Variants in LOC122539214 observed in about 807,000 individuals in gnomAD.
At chr19:52,669,532 G>A in the LOC122539214 span, among the ~76,000 whole-genome samples, 6 of 152,260 alleles carry the variant, frequency 3.9e-5, no homozygotes, top group South Asian at 1.2e-3. Flanking sequence ...GCATAAAAAG[G>A]AAGAGTTTGC....
At chr19:52,677,306 T>TAAAAAAAAAA in the LOC122539214 span, among the ~76,000 whole-genome samples, 3 of 106,456 alleles carry the variant, frequency 2.8e-5, no homozygotes, top group Non-Finnish European at 5.9e-5. Context: ...AATTGAGAAG[T>TAAAAAAAAAA]AAAAAAAAAA....
chr19:52,678,782 T>C, the LOC122539214 span, among the ~76,000 whole-genome samples: 1 of 152,080 alleles, frequency 6.6e-6, no homozygotes, highest in East Asian at 1.9e-4. Context: ...AAGACCAGCC[T>C]GGCCAACATA....
chr19:52,664,928 G>A, the LOC122539214 span, among the ~76,000 whole-genome samples: 5 of 152,110 alleles, frequency 3.3e-5, no homozygotes, highest in Non-Finnish European at 2.9e-5. Context: ...GTACCTCCCT[G>A]AGAAGTGAAC....
chr19:52,656,864 C>CA, the LOC122539214 span, among the ~76,000 whole-genome samples: 435 of 136,544 alleles, frequency 3.2e-3, 11 homozygotes, highest in South Asian at 7.7e-3. Context: ...GACTCCGTCT[C>CA]AAAAAAAAAA....
At chr19:52,668,817 C>A in the LOC122539214 span, among the ~76,000 whole-genome samples, 2 of 152,184 alleles carry the variant, frequency 1.3e-5, no homozygotes, top group Non-Finnish European at 2.9e-5. Flanking sequence ...CTCCAGTAGA[C>A]CAGGTGTGGG....
the LOC122539214 span, among the ~76,000 whole-genome samples, chr19:52,661,529 G>A: frequency 2.6e-5 from 4 of 152,256 alleles, no homozygotes; most frequent in African/African-American, 7.2e-5. Flanking sequence ...AATCACCAGC[G>A]CCATCGTATT....
the LOC122539214 span, among the ~76,000 whole-genome samples, chr19:52,677,776 G>A: frequency 1.3e-5 from 2 of 152,102 alleles, no homozygotes; most frequent in African/African-American, 4.8e-5. Context: ...GCTCATGCCT[G>A]TAGTCCCAAC....
At chr19:52,656,379 G>A in the LOC122539214 span, among the ~76,000 whole-genome samples, 1 of 152,006 alleles carries the variant, frequency 6.6e-6, no homozygotes, top group African/African-American at 2.4e-5. Context: ...AAAATTAGCT[G>A]GGCATGGTGG....
At chr19:52,677,329 A>AAAAAAAAAT in the LOC122539214 span, among the ~76,000 whole-genome samples, 92 of 129,046 alleles carry the variant, frequency 7.1e-4, no homozygotes, top group East Asian at 4.1e-3. Flanking sequence ...AAAAAAAAAA[A>AAAAAAAAAT]ACAAAAATTA....
chr19:52,662,506 G>A, the LOC122539214 span, among the ~76,000 whole-genome samples: 1 of 152,158 alleles, frequency 6.6e-6, no homozygotes, highest in South Asian at 2.1e-4. Flanking sequence ...CAGAGACAAG[G>A]AGAGGTTCAA....
chr19:52,665,929 G>A, the LOC122539214 span, among the ~76,000 whole-genome samples: 1 of 152,070 alleles, frequency 6.6e-6, no homozygotes, highest in African/African-American at 2.4e-5. Flanking sequence ...GGGAGGCTGA[G>A]GTGGGCAAAT....
At chr19:52,683,226 CTCTGTGTGTGTGTGTGTGTGTG>C in the LOC122539214 span, among the ~76,000 whole-genome samples, 3 of 135,652 alleles carry the variant, frequency 2.2e-5, no homozygotes, top group Non-Finnish European at 3.2e-5. Context: ...TGCCCTGTGA[CTCTGTGTGTGTGTGTGTGTGTG>C]TGTGTGTGTG....
At chr19:52,689,918 G>A in the LOC122539214 span, among the ~76,000 whole-genome samples, 1 of 152,354 alleles carries the variant, frequency 6.6e-6, no homozygotes, top group East Asian at 1.9e-4. Flanking sequence ...CTCAGGAGAA[G>A]CGGTGACTGC....
At chr19:52,657,044 G>A in the LOC122539214 span, among the ~76,000 whole-genome samples, 1 of 151,612 alleles carries the variant, frequency 6.6e-6, no homozygotes, top group Non-Finnish European at 1.5e-5. Context: ...TGAGCCTGGA[G>A]AGCAGAGTTT....
the LOC122539214 span, among the ~76,000 whole-genome samples, chr19:52,653,570 G>A: frequency 6.6e-6 from 1 of 152,000 alleles, no homozygotes; most frequent in Non-Finnish European, 1.5e-5. Context: ...CATTTGTAAG[G>A]TTTCTCTCCA....
chr19:52,685,336 T>A, the LOC122539214 span, among the ~76,000 whole-genome samples: 7 of 152,068 alleles, frequency 4.6e-5, no homozygotes. Context: ...AATTCTTACA[T>A]GGGGGCCTGG....
At chr19:52,658,171 AAAC>A in the LOC122539214 span, among the ~76,000 whole-genome samples, 1 of 152,046 alleles carries the variant, frequency 6.6e-6, no homozygotes, top group African/African-American at 2.4e-5. Flanking sequence ...ATAGGAAAAG[AAAC>A]AACAACAAAG....
chr19:52,661,411 A>T, the LOC122539214 span, among the ~76,000 whole-genome samples: 79 of 152,198 alleles, frequency 5.2e-4, no homozygotes, highest in African/African-American at 4.8e-4. Context: ...GGCCCTAACC[A>T]AACCCCATGC....
the LOC122539214 span, among the ~76,000 whole-genome samples, chr19:52,656,533 T>G: frequency 6.6e-6 from 1 of 151,746 alleles, no homozygotes; most frequent in Admixed American, 6.6e-5. Context: ...AAAATAAAAA[T>G]ATATGTATGT....
Sources: allele counts gnomAD v4.1 joint callset (sites outside exome capture counted in the v4.1 genomes callset), GRCh38; gene constraint gnomAD v4.1.1; transcripts MANE v1.5.